The following PRELID2 variants were observed in gnomAD, a reference collection of about 807,000 sequenced individuals.
PRELID2 encodes the protein PRELI domain-containing protein 2.
In PRELID2, 25 loss-of-function variants were observed where a neutral mutation model predicts 28.4. That is an observed-to-expected ratio of 0.88 (90% CI 0.64 to 1.23). PRELID2 has a LOEUF of 1.23. PRELID2 is among the 50% of genes most tolerant of loss of function. PRELID2 has a pLI of 0.00. For synonymous variants in PRELID2, 76 were observed against 71.6 expected (o/e 1.06, Z -0.31); for missense variants, 201 against 214.4 (o/e 0.94, Z 0.39).
chr5:145,387,952 A>C, the PRELID2 span, among the ~76,000 whole-genome samples: 51 of 149,986 alleles, frequency 3.4e-4, no homozygotes, highest in African/African-American at 1.1e-3. Flanking sequence ...AAAAAAAAAA[A>C]GACACTAAAA....
At chr5:145,397,949 C>G in the PRELID2 span, among the ~76,000 whole-genome samples, 3 of 152,080 alleles carry the variant, frequency 2.0e-5, no homozygotes, top group Non-Finnish European at 4.4e-5. Context: ...AGCAAGAATG[C>G]AATGGTGTGA....
chr5:145,427,216 G>T, the PRELID2 span, among the ~76,000 whole-genome samples: 1 of 152,200 alleles, frequency 6.6e-6, no homozygotes. Flanking sequence ...ATATTGTTTT[G>T]CAAGAAAATC....
chr5:145,608,383 T>C (rs1753540121), intron 1 of PRELID2, among the ~76,000 whole-genome samples: 1 of 152,186 alleles, frequency 6.6e-6, no homozygotes, highest in South Asian at 2.1e-4. Flanking sequence ...CTGGTAACAG[T>C]CTTTCTTCTC....
At chr5:145,233,458 C>A in the PRELID2 span, among the ~76,000 whole-genome samples, 1 of 152,096 alleles carries the variant, frequency 6.6e-6, no homozygotes. Context: ...TACTGCCATG[C>A]TGTCATTTCA....
chr5:145,665,068 C>T (rs531600154), intron 1 of PRELID2, among the ~76,000 whole-genome samples: 2 of 152,188 alleles, frequency 1.3e-5, no homozygotes, highest in African/African-American at 4.8e-5. Context: ...AGGAAAGTTG[C>T]AGTCTCTCTT....
chr5:145,436,590 T>G, the PRELID2 span, among the ~76,000 whole-genome samples: 1 of 152,178 alleles, frequency 6.6e-6, no homozygotes, highest in Non-Finnish European at 1.5e-5. Flanking sequence ...CGCCAGCATT[T>G]GTTTTTTGTT....
chr5:145,327,783 A>C, the PRELID2 span, among the ~76,000 whole-genome samples: 11 of 151,898 alleles, frequency 7.2e-5, no homozygotes, highest in African/African-American at 2.7e-4. Flanking sequence ...GAGGTTTTAA[A>C]AAATTATTAT....
At position 145,538,401 on chromosome 5, in the gene PRELID2, T is replaced by C. The variant is rs762866405; in HGVS notation, n.71-65086A>G. On this transcript the variant is annotated intron_variant and non_coding_transcript_variant, in intron 1 of 2. Coordinates refer to the PRELID2 transcript ENST00000510259. Reference sequence around the variant, plus strand: ...GTGAAGAATATTCTCTAAATTTTAATAGGGATTGCATTAAATACATAGATT... The same window carrying C: ...GTGAAGAATATTCTCTAAATTTTAACAGGGATTGCATTAAATACATAGATT... Among the ~76,000 whole-genome samples, 2 of 151,926 alleles carry C rather than the reference T, an allele frequency of 1.3e-5. 1 individual carries two copies. Among genetic ancestry groups the C allele is most frequent in the Non-Finnish European group, 2.9e-5 (2 of 67,896 alleles).
At chr5:145,579,080 C>T (rs1022164669) in intron 1 of PRELID2, among the ~76,000 whole-genome samples, 1 of 152,010 alleles carries the variant, frequency 6.6e-6, no homozygotes. Context: ...TACTTGTTCA[C>T]TTGTAAAATA....
chr5:145,834,122 T>C (rs1755780697), intron 1 of PRELID2, among the ~76,000 whole-genome samples: 1 of 152,226 alleles, frequency 6.6e-6, no homozygotes, highest in East Asian at 1.9e-4. Flanking sequence ...ATTATCTGTA[T>C]TGAAATCGGT....
intron 1 of PRELID2, among the ~76,000 whole-genome samples, chr5:145,721,195 C>G (rs144721723): frequency 1.3e-5 from 2 of 152,176 alleles, no homozygotes; most frequent in Admixed American, 1.3e-4. Flanking sequence ...CATATAGCCT[C>G]TGGAAAACTT....
the PRELID2 span, among the ~76,000 whole-genome samples, chr5:145,361,438 T>A: frequency 6.6e-6 from 1 of 152,198 alleles, no homozygotes; most frequent in Non-Finnish European, 1.5e-5. Context: ...TTCTGCTGAC[T>A]GCTGAGTTCC....
the PRELID2 span, among the ~76,000 whole-genome samples, chr5:145,274,573 G>A: frequency 1.3e-5 from 2 of 152,098 alleles, no homozygotes; most frequent in Non-Finnish European, 2.9e-5. Context: ...TGGCAGGGAG[G>A]CTTACATAAT....
the PRELID2 span, among the ~76,000 whole-genome samples, chr5:145,403,554 C>G: frequency 6.6e-6 from 1 of 152,190 alleles, no homozygotes; most frequent in African/African-American, 2.4e-5. Context: ...GAACAGAACT[C>G]AATTCCCCTT....
chr5:145,777,005 T>C (rs530105702), intron 5 of PRELID2, among the ~76,000 whole-genome samples: 2 of 152,310 alleles, frequency 1.3e-5, no homozygotes, highest in South Asian at 4.1e-4. Context: ...AAGGGTGGGA[T>C]TGTTTTAAAA....
chr5:145,404,353 T>G, the PRELID2 span, among the ~76,000 whole-genome samples: 1 of 152,220 alleles, frequency 6.6e-6, no homozygotes, highest in African/African-American at 2.4e-5. Context: ...CAACAGAGAC[T>G]GTGGGATCAA....
At chr5:145,590,602 A>G (rs1266613571) in intron 1 of PRELID2, among the ~76,000 whole-genome samples, 1 of 152,178 alleles carries the variant, frequency 6.6e-6, no homozygotes, top group African/African-American at 2.4e-5. Context: ...TCAATATGTC[A>G]ATTTATACTT....
intron 2 of PRELID2, among the ~76,000 whole-genome samples, chr5:145,821,105 A>C (rs1442033283): frequency 6.8e-6 from 1 of 148,000 alleles, no homozygotes; most frequent in Non-Finnish European, 1.5e-5. Context: ...TTAGAGAGAC[A>C]GTTAACAACC....
At chr5:145,466,668 T>C in the PRELID2 span, among the ~76,000 whole-genome samples, 2 of 152,158 alleles carry the variant, frequency 1.3e-5, no homozygotes, top group African/African-American at 4.8e-5. Flanking sequence ...AAGAACACAT[T>C]GTCCCTTGAC....
Sources: allele counts gnomAD v4.1 joint callset (sites outside exome capture counted in the v4.1 genomes callset), GRCh38; gene constraint gnomAD v4.1.1; transcripts MANE v1.5; gene names NCBI Gene and HGNC (gene_info 2026-07-23, HGNC 2026-07-21).